The following KCNT1 variants were observed in gnomAD, a reference collection of about 807,000 sequenced individuals.
KCNT1 encodes potassium sodium-activated channel subfamily T member 1.
In KCNT1, 78 loss-of-function variants were observed where a neutral mutation model predicts 147.8. That is an observed-to-expected ratio of 0.53 (90% CI 0.44 to 0.64). The LOEUF is 0.64. Among genes scored for constraint, KCNT1 ranks in the 30% least tolerant of loss-of-function variants. The probability of loss-of-function intolerance (pLI) is 0.00; values close to 1 mark genes in which losing one functional copy is unlikely to be tolerated. For missense variants in KCNT1, 1,419 were observed against 1,750.3 expected (o/e 0.81, Z 3.38); for synonymous variants, 867 against 748.8 (o/e 1.16, Z -2.58).
intron 2 of KCNT1, among the ~76,000 whole-genome samples, chr9:135,733,144 G>A (rs1481613612): frequency 6.6e-6 from 1 of 151,812 alleles, no homozygotes; most frequent in African/African-American, 2.4e-5. Context: ...TTCTTACTAT[G>A]CTTGTTTGTT....
chr9:135,750,455 G>A, intron 3 of KCNT1: 1 of 529,486 alleles, frequency 1.9e-6, no homozygotes, highest in Non-Finnish European at 3.4e-6. Flanking sequence ...ACACCAGGCT[G>A]GGTGGGGCAG....
chr9:135,784,190 T>G, intron 25 of KCNT1, 65 bp downstream of exon 25: 13 of 1,247,636 alleles, frequency 1.0e-5, no homozygotes, highest in Non-Finnish European at 1.3e-5. Flanking sequence ...CCCTCAGCTC[T>G]TCAGCCTGGT....
Position 135,794,802 on chromosome 9 carries a change from G to A in KCNT1, c.*2641G>A, listed in dbSNP as rs912872962. ...ACCCGGGTGCCTCTCTGCTTGTCCC[G>A]AGCCCACTCACCAACAGCCCCAGCT... On this transcript the variant is annotated 3_prime_UTR_variant, in exon 31 of 31. Coordinates refer to ENST00000371757, the MANE Select transcript of KCNT1 (RefSeq NM_020822.3). 53 of 152,088 alleles carry A rather than the reference G, an allele frequency of 3.5e-4. No individual in the cohort carries two copies. Among genetic ancestry groups the A allele is most frequent in the Middle Eastern group, 3.4e-3 (1 of 294 alleles). 9.4% of individuals were successfully genotyped at this position (152,088 alleles called of 1,614,324 possible). A position where few individuals can be genotyped will look rare whatever the true frequency, so the allele number is the denominator to read the frequency against.
intron 11 of KCNT1, among the ~76,000 whole-genome samples, chr9:135,761,197 T>C (rs1831891330): frequency 6.6e-6 from 1 of 152,230 alleles, no homozygotes; most frequent in African/African-American, 2.4e-5. Context: ...TGTTTTCCTG[T>C]CTTTACTGAA....
chr9:135,745,875 C>T (rs1321596300), intron 2 of KCNT1, among the ~76,000 whole-genome samples: 1 of 152,210 alleles, frequency 6.6e-6, no homozygotes, highest in African/African-American at 2.4e-5. Context: ...CTAGCGGAGC[C>T]CTCCAGGCTA....
At chr9:135,767,422 C>T (rs372779731) in intron 13 of KCNT1, among the ~76,000 whole-genome samples, 2 of 105,312 alleles carry the variant, frequency 1.9e-5, no homozygotes, top group Admixed American at 1.6e-4. Flanking sequence ...GTTTCTTAGA[C>T]AGCGTCTCAG....
chr9:135,790,066 A>C (rs1834379478), intron 29 of KCNT1: 1 of 151,972 alleles, frequency 6.6e-6, no homozygotes. Context: ...TTACTTCAGA[A>C]GCGTGTGGTC....
chr9:135,779,185 C>A (rs554919243), intron 23 of KCNT1, among the ~76,000 whole-genome samples, 174 bp from the exon 24 acceptor site: 1 of 148,850 alleles, frequency 6.7e-6, no homozygotes, highest in African/African-American at 2.5e-5. Flanking sequence ...CCCCCACAGC[C>A]GTGGGACCCT....
Position 135,791,873 on chromosome 9 carries a change from T to A in KCNT1, c.3579T>A (p.Ser1193Arg), listed in dbSNP as rs142340167. 32 of 1,613,546 alleles carry A rather than the reference T, an allele frequency of 2.0e-5. No individual in the cohort carries two copies. Among genetic ancestry groups the A allele is most frequent in the Non-Finnish European group, 2.5e-5 (30 of 1,179,880 alleles). The change falls in exon 30 of 31, where the codon AGT (serine) becomes AGA (arginine). Residue 1193 changes from serine (S) to arginine (R), a missense_variant. Transcript: ENST00000371757. ...CGCCCGACACGAGGCTGGAGCCCAGTGACATTGTGTGAGTAGCACCTGTGG... is the reference window on the plus strand; with the variant it reads ...CGCCCGACACGAGGCTGGAGCCCAGAGACATTGTGTGAGTAGCACCTGTGG... ...NPPPDTRLEP[S>R]DIVYLIRSDP... is the part of the protein sequence containing the mutation.
intron 27 of KCNT1, among the ~76,000 whole-genome samples, 179 bp downstream of exon 27, chr9:135,785,068 C>T (rs1254155078): frequency 6.6e-6 from 1 of 152,216 alleles, no homozygotes; most frequent in Non-Finnish European, 1.5e-5. Flanking sequence ...GCAGCTCCTT[C>T]CGTCTGGTCC....
At chr9:135,707,958 A>C (rs1835323807) in intron 1 of KCNT1, among the ~76,000 whole-genome samples, 1 of 152,122 alleles carries the variant, frequency 6.6e-6, no homozygotes, top group Non-Finnish European at 1.5e-5. Context: ...CCCTCCCCTA[A>C]AGAGAGACGT....
rs1451219775 is a variant in KCNT1, at chr9:135,727,298, CCT to C, written c.254+12583_254+12584del. On this transcript the variant is annotated intron_variant, in intron 2 of 30. Transcript: ENST00000371757. ...TTCCCATTCTCTCTCTCTCCCTGTC[CCT>C]CTCTTTCCCATTCTCTCTCTCCCCC... Among the ~76,000 whole-genome samples, 201 of 85,454 alleles carry C rather than the reference CCT, an allele frequency of 2.4e-3. 1 individual carries two copies. The highest frequency in any genetic ancestry group is 8.6e-3 in the African/African-American group (189 of 21,970). 56.1% of individuals were successfully genotyped at this position (85,454 alleles called of 152,430 possible). A position where few individuals can be genotyped will look rare whatever the true frequency, so the allele number is the denominator to read the frequency against.
At chr9:135,733,959 C>T (rs546629602) in intron 2 of KCNT1, among the ~76,000 whole-genome samples, 2 of 151,156 alleles carry the variant, frequency 1.3e-5, no homozygotes, top group Non-Finnish European at 3.0e-5. Context: ...GTCCCTCCCC[C>T]CTAGTCCTTC....
At chr9:135,708,415 G>T (rs1384632747) in intron 1 of KCNT1, among the ~76,000 whole-genome samples, 1 of 152,200 alleles carries the variant, frequency 6.6e-6, no homozygotes, top group African/African-American at 2.4e-5. Flanking sequence ...GTGCTTACAT[G>T]TGCTCATCTC....
rs113683756 is a variant in KCNT1 at position 135,751,864 on chromosome 9, C to G, written c.434+823C>G. ...CTCTGTGTCCTGTTTCTTCTCTCCCCTCTCCTGCCTCGTTCCCTTGTTCAC... is the reference window on the plus strand; with the variant it reads ...CTCTGTGTCCTGTTTCTTCTCTCCCGTCTCCTGCCTCGTTCCCTTGTTCAC... On this transcript the variant is annotated intron_variant, in intron 4 of 30. Transcript: ENST00000371757. Among the ~76,000 whole-genome samples the G allele has an allele frequency of 2.5e-3, 383 of 152,340 alleles. 1 individual carries two copies. Among genetic ancestry groups the G allele is most frequent in the South Asian group, 0.015 (73 of 4,824 alleles).
chr9:135,724,977 C>G (rs1836072893), intron 2 of KCNT1, among the ~76,000 whole-genome samples: 1 of 152,232 alleles, frequency 6.6e-6, no homozygotes, highest in South Asian at 2.1e-4. Context: ...CTGGGCTCCC[C>G]CATGTGATCC....
chr9:135,777,798 A>ACCCAACTCCCAGCTCCT (rs1323809382), intron 21 of KCNT1, among the ~76,000 whole-genome samples: 3 of 112,440 alleles, frequency 2.7e-5, no homozygotes, highest in African/African-American at 1.1e-4. Flanking sequence ...TCCCAGCTCC[A>ACCCAACTCCCAGCTCCT]CCCAACTCCC....
chr9:135,722,508 A>G (rs1164377166), intron 2 of KCNT1, among the ~76,000 whole-genome samples: 2 of 152,210 alleles, frequency 1.3e-5, no homozygotes, highest in Admixed American at 6.5e-5. Context: ...TTCCGTTTCC[A>G]TCATCCGGCG....
chr9:135,785,841 G>A, intron 28 of KCNT1: 1 of 437,432 alleles, frequency 2.3e-6, no homozygotes, highest in Non-Finnish European at 4.1e-6. Flanking sequence ...ACCTCTCAGG[G>A]CAAGGCCAGG....
Sources: allele counts gnomAD v4.1 joint callset (sites outside exome capture counted in the v4.1 genomes callset), GRCh38; gene constraint gnomAD v4.1.1; transcripts MANE v1.5; gene names NCBI Gene and HGNC (gene_info 2026-07-23, HGNC 2026-07-21).